Variants in UVSSA observed in about 807,000 individuals in gnomAD.
UVSSA encodes the protein UV stimulated scaffold protein A, also known as UV-stimulated scaffold protein A.
Under a neutral mutation model 73.9 loss-of-function variants are expected in UVSSA, and 72 were observed. The observed-to-expected ratio is 0.97, with a 90% CI of 0.81 to 1.19. The LOEUF (loss-of-function observed/expected upper bound fraction) is 1.19. UVSSA is among the 50% of genes most tolerant of loss of function. UVSSA has a pLI of 0.00. For synonymous variants in UVSSA, 454 were observed against 391.3 expected (o/e 1.16, Z -1.89); for missense variants, 1,150 against 965.0 (o/e 1.19, Z -2.54).
upstream of UVSSA, among the ~76,000 whole-genome samples, chr4:1,343,199 G>A (rs1274629669): frequency 6.6e-6 from 1 of 152,168 alleles, no homozygotes; most frequent in Non-Finnish European, 1.5e-5. Flanking sequence ...GGCTCCCGGT[G>A]AGGCCTCTCT....
rs143918768 is a variant in UVSSA, at chr4:1,349,596, C to T, written c.171C>T (p.Ile57=). ...AGCTGACCCAGGAGCACGCCGAGAT[C>T]CGTCTCTCAGCCTTCCAGATTGTGG... ...IAQLTQEHAE[I]RLSAFQIVEE... The change falls in exon 3 of 14, where the codon ATC becomes ATT. Residue 57 remains isoleucine, a synonymous_variant. Transcript: ENST00000389851. 6.6e-5 allele frequency: 106 copies of T among 1,614,144 alleles called. No homozygotes were observed. Among genetic ancestry groups the T allele is most frequent in the Non-Finnish European group, 8.7e-5 (103 of 1,180,028 alleles).
Position 1,387,754 on chromosome 4 carries a change from T to G in UVSSA, c.*1793T>G, listed in dbSNP as rs1720247467. 6.6e-6 allele frequency: 1 copy of G among 152,214 alleles called. No individual in the cohort carries two copies. Among genetic ancestry groups the G allele is most frequent in the African/African-American group, 2.4e-5 (1 of 41,458 alleles). The allele number at this position is 152,214 out of a possible 1,614,324, so 9.4% of individuals were successfully genotyped here. A position where few individuals can be genotyped will look rare whatever the true frequency, so the allele number is the denominator to read the frequency against. On this transcript the variant is annotated 3_prime_UTR_variant, in exon 14 of 14. Coordinates refer to ENST00000389851, the MANE Select transcript of UVSSA (RefSeq NM_020894.4). ...TTATTGATAATCAGTTGACCAAAAA[T>G]GTACAGGCTTATTTCTGGGCACTTG...
chr4:1,369,706 C>G (rs1717786877), intron 8 of UVSSA, among the ~76,000 whole-genome samples: 1 of 152,234 alleles, frequency 6.6e-6, no homozygotes, highest in South Asian at 2.1e-4. Context: ...GGCGCAGAGG[C>G]CCCCCTCTCC....
chr4:1,372,050 C>G (rs1718110711), intron 8 of UVSSA, among the ~76,000 whole-genome samples: 1 of 152,224 alleles, frequency 6.6e-6, no homozygotes, highest in Non-Finnish European at 1.5e-5. Flanking sequence ...GTTTATTACA[C>G]CTTCAAGCAT....
exon 14 of UVSSA, chr4:1,394,305 G>T: frequency 3.2e-6 from 3 of 930,316 alleles, no homozygotes; most frequent in Non-Finnish European, 4.7e-6. Flanking sequence ...AATCTTTCTT[G>T]GCTTCTAAGT....
chr4:1,375,161 G>A (rs879870301), intron 8 of UVSSA: 19 of 761,816 alleles, frequency 2.5e-5, no homozygotes, highest in African/African-American at 1.6e-4. Flanking sequence ...CCCGACGCAC[G>A]CCATGTTCTG....
intron 13 of UVSSA, 100 bp downstream of exon 13, chr4:1,384,040 G>A (rs1003295063): frequency 7.3e-7 from 1 of 1,374,326 alleles, no homozygotes; most frequent in Non-Finnish European, 9.6e-7. Flanking sequence ...GGGACTTGGG[G>A]CCTCCAGGGG....
chr4:1,395,263 T>G, exon 14 of UVSSA: 4 of 1,388,388 alleles, frequency 2.9e-6, no homozygotes, highest in South Asian at 1.2e-5. Context: ...AGTGCCCGCC[T>G]GCTCACGTGC....
intron 5 of UVSSA, among the ~76,000 whole-genome samples, chr4:1,353,985 C>T (rs1268702256): frequency 6.6e-6 from 1 of 152,258 alleles, no homozygotes; most frequent in African/African-American, 2.4e-5. Context: ...CCCTGCTGCC[C>T]CCCTGGGGTG....
At chr4:1,373,507 T>C (rs1024136980) in intron 8 of UVSSA, among the ~76,000 whole-genome samples, 1 of 152,206 alleles carries the variant, frequency 6.6e-6, no homozygotes, top group Non-Finnish European at 1.5e-5. Flanking sequence ...ATCAATACTT[T>C]GTATCCTTCA....
Position 1,375,355 on chromosome 4 carries a change from C to G in UVSSA, c.1289-9C>G. On this transcript the variant is annotated splice_polypyrimidine_tract_variant and intron_variant, in intron 8 of 13. Transcript: ENST00000389851. ...GTGGTGGCAGGGAGTGGACACGTGT[C>G]TGTTTCAGGGCTGGAGGCAGCACCA... 6.2e-7 allele frequency: 1 copy of G among 1,612,860 alleles called. No homozygotes were observed. The highest frequency in any genetic ancestry group is 8.5e-7 in the Non-Finnish European group (1 of 1,179,582).
At chr4:1,382,694 C>G (rs1037649639) in intron 12 of UVSSA, among the ~76,000 whole-genome samples, 1 of 152,200 alleles carries the variant, frequency 6.6e-6, no homozygotes, top group Non-Finnish European at 1.5e-5. Context: ...TTGGATTAAT[C>G]GTTCCTGTAT....
rs985951653 is a variant in UVSSA, at chr4:1,354,385, C to T, written c.935-350C>T. 1.7e-3 allele frequency: 533 copies of T among 315,634 alleles called. 6 individuals carry two copies. Among genetic ancestry groups the T allele is most frequent in the Non-Finnish European group, 5.7e-4 (91 of 160,782 alleles). The allele number at this position is 315,634 out of a possible 1,614,324, so 19.6% of individuals were successfully genotyped here. On this transcript the variant is annotated intron_variant, in intron 5 of 13. Coordinates refer to ENST00000389851, the MANE Select transcript of UVSSA (RefSeq NM_020894.4). ...GGGCTGGAGGGGCGCCATCCTGTGG[C>T]GTGGGCTGTGGAGGGGAAGGTTCTG...
At chr4:1,369,971 A>G (rs73077570) in intron 8 of UVSSA, among the ~76,000 whole-genome samples, 11,234 of 152,268 alleles carry the variant, frequency 0.074, 904 homozygotes, top group East Asian at 0.21. Flanking sequence ...AAATGCCCTC[A>G]GTGCCTGAGG....
intron 9 of UVSSA, 86 bp from the exon 10 acceptor site, chr4:1,375,948 C>A (rs1718709917): frequency 2.0e-6 from 3 of 1,534,314 alleles, no homozygotes; most frequent in Non-Finnish European, 2.6e-6. Flanking sequence ...GAGGCCCCAG[C>A]CTTGCTGTGG....
intron 11 of UVSSA, chr4:1,380,655 C>T (rs995804724): frequency 5.9e-6 from 9 of 1,529,666 alleles, no homozygotes; most frequent in Non-Finnish European, 7.9e-6. Context: ...TCCACAGCTG[C>T]CCAAGACCTT....
Position 1,363,712 on chromosome 4 carries a change from A to G in UVSSA, c.1177-2608A>G, listed in dbSNP as rs1716952019. Among the ~76,000 whole-genome samples, 5 of 152,322 alleles carry G rather than the reference A, an allele frequency of 3.3e-5. 1 individual carries two copies. In the South Asian group the frequency reaches 1.0e-3, roughly 32 times the overall value. On this transcript the variant is annotated intron_variant, in intron 7 of 13. Coordinates refer to ENST00000389851, the MANE Select transcript of UVSSA (RefSeq NM_020894.4). The stretch of plus-strand genomic sequence containing the variant: ...CGTGGCTTGTTGTTATTCAGACGTG[A>G]TGGATCGCCATCATTTGCTCAGCGC...
chr4:1,343,100 C>T (rs985331183), upstream of UVSSA, among the ~76,000 whole-genome samples: 11 of 152,010 alleles, frequency 7.2e-5, no homozygotes, highest in South Asian at 2.1e-4. Flanking sequence ...TTAGTTTGCT[C>T]GGCTGCCGTA....
chr4:1,343,534 G>A (rs547305976), upstream of UVSSA, among the ~76,000 whole-genome samples: 4 of 151,982 alleles, frequency 2.6e-5, no homozygotes, highest in South Asian at 2.1e-4. Context: ...GATCCTTCTC[G>A]CATCTAAGGT....
Sources: gnomAD v4.1 joint callset for allele counts (sites outside exome capture counted in the v4.1 genomes callset) on GRCh38, gnomAD v4.1.1 for gene constraint, MANE v1.5 for transcripts, NCBI Gene and HGNC (gene_info 2026-07-23, HGNC 2026-07-21) for gene names.